PMM2: variants seen among roughly 807,000 people sequenced by gnomAD.
The protein encoded by PMM2 is phosphomannomutase 2.
In PMM2, 35 loss-of-function variants were observed where a neutral mutation model predicts 33.2. The observed-to-expected ratio is 1.06, with a 90% CI of 0.81 to 1.40. PMM2 has a LOEUF of 1.40. Among genes scored for constraint, PMM2 ranks in the 40% most tolerant of loss-of-function variants. The probability of loss-of-function intolerance (pLI) is 0.00; values close to 1 mark genes in which losing one functional copy is unlikely to be tolerated. For synonymous variants in PMM2, 153 were observed against 114.7 expected (o/e 1.33, Z -2.13); for missense variants, 386 against 306.0 (o/e 1.26, Z -1.95).
intron 7 of PMM2, among the ~76,000 whole-genome samples, chr16:8,844,651 T>A (rs896874140): frequency 1.3e-5 from 2 of 152,194 alleles, no homozygotes; most frequent in African/African-American, 4.8e-5. Flanking sequence ...GGGTGAATGA[T>A]CAGAGGCGTC....
At position 8,849,287 on chromosome 16, in the gene PMM2, C is replaced by A. The variant is rs1025857000; in HGVS notation, c.*1462C>A. The A allele has an allele frequency of 6.6e-6, 1 of 152,272 alleles. No homozygotes were observed. The highest frequency in any genetic ancestry group is 1.5e-5 in the Non-Finnish European group (1 of 68,050). The allele number at this position is 152,272 out of a possible 1,614,324, so 9.4% of individuals were successfully genotyped here. A position where few individuals can be genotyped will look rare whatever the true frequency, so the allele number is the denominator to read the frequency against. On this transcript the variant is annotated 3_prime_UTR_variant, in exon 8 of 8. Coordinates refer to ENST00000268261, the MANE Select transcript of PMM2 (RefSeq NM_000303.3). ...TGTCGAATGATACTGTAATGACCTT[C>A]CAAAGTGAAGAGTAGCACATTAAAG...
At chr16:8,842,919 T>C (rs1455121778) in intron 7 of PMM2, among the ~76,000 whole-genome samples, 2 of 151,966 alleles carry the variant, frequency 1.3e-5, no homozygotes, top group African/African-American at 4.8e-5. Context: ...GGAGTAGAAA[T>C]GTCCCATATT....
chr16:8,802,994 C>T (rs1399330474), intron 2 of PMM2, among the ~76,000 whole-genome samples: 1 of 152,178 alleles, frequency 6.6e-6, no homozygotes, highest in Non-Finnish European at 1.5e-5. Context: ...ATTATGAAGG[C>T]TGTCCTGTGC....
rs1046204842 is a variant in PMM2, at chr16:8,847,978, C to A, written c.*153C>A. ...GCATGTGCAGTCTGGACTTCCACCT[C>A]CAGTGCCAGAAACTTCCAGAAGGAA... On this transcript the variant is annotated 3_prime_UTR_variant, in exon 8 of 8. Transcript: ENST00000268261. 2 of 636,078 alleles carry A rather than the reference C, an allele frequency of 3.1e-6. No individual in the cohort carries two copies. The highest frequency in any genetic ancestry group is 5.7e-6 in the Non-Finnish European group (2 of 351,512). The allele number at this position is 636,078 out of a possible 1,614,324, so 39.4% of individuals were successfully genotyped here. A position where few individuals can be genotyped will look rare whatever the true frequency, so the allele number is the denominator to read the frequency against.
chr16:8,810,786 A>G (rs765545848), intron 4 of PMM2: 2 of 427,962 alleles, frequency 4.7e-6, no homozygotes, highest in Non-Finnish European at 8.7e-6. Flanking sequence ...CATGTTGTCC[A>G]GGCTCAAAAT....
chr16:8,804,024 T>G (rs1189848257), intron 2 of PMM2, among the ~76,000 whole-genome samples: 1 of 92,076 alleles, frequency 1.1e-5, no homozygotes, highest in Non-Finnish European at 2.0e-5. Context: ...TTTTTTGGGT[T>G]TTTTTTGTTT....
chr16:8,812,963 C>T, intron 6 of PMM2, 28 bp from the exon 7 acceptor site: 3 of 1,314,716 alleles, frequency 2.3e-6, no homozygotes, highest in Non-Finnish European at 3.3e-6. Context: ...CACCTTTTGC[C>T]TTTGTGTGCC....
chr16:8,802,214 C>G (rs1241412384), intron 2 of PMM2: 1 of 459,646 alleles, frequency 2.2e-6, no homozygotes, highest in Non-Finnish European at 4.4e-6. Flanking sequence ...CCGTTGACAG[C>G]CCTTCTAGCC....
At chr16:8,799,696 C>T (rs2060601429) in intron 1 of PMM2, among the ~76,000 whole-genome samples, 1 of 152,170 alleles carries the variant, frequency 6.6e-6, no homozygotes, top group African/African-American at 2.4e-5. Context: ...TACAGGCAGG[C>T]ACCACCACGC....
chr16:8,828,059 T>C (rs1347200715), intron 7 of PMM2, among the ~76,000 whole-genome samples: 1 of 140,136 alleles, frequency 7.1e-6, no homozygotes, highest in Non-Finnish European at 1.5e-5. Flanking sequence ...AAAATCTTTT[T>C]AAATTTCTTA....
chr16:8,799,988 A>G (rs920103099), intron 1 of PMM2, among the ~76,000 whole-genome samples: 4 of 152,258 alleles, frequency 2.6e-5, no homozygotes, highest in Non-Finnish European at 4.4e-5. Context: ...AGTTTTTTAA[A>G]GAAAAATCAT....
chr16:8,813,288 G>T lies in PMM2; in HGVS notation c.639+182G>T, dbSNP rs9924186. 0.81 allele frequency among the ~76,000 whole-genome samples: 123,336 copies of T among 152,132 alleles called. 50,669 individuals carry two copies. The highest frequency in any genetic ancestry group is 0.97 in the East Asian group (5,031 of 5,176). On this transcript the variant is annotated intron_variant, in intron 7 of 7. Transcript: ENST00000268261. ...CCTTCCCCTCTAAGCTCAGACCCCC[G>T]ACGCCTCTGTGGAGGCAAGGATCAC...
chr16:8,798,035 C>T, intron 1 of PMM2, 87 bp downstream of exon 1: 1 of 1,336,382 alleles, frequency 7.5e-7, no homozygotes, highest in Non-Finnish European at 1.0e-6. Flanking sequence ...GGGTAGGCGC[C>T]AAGGGGTGGC....
chr16:8,806,560 G>T, intron 4 of PMM2, 153 bp downstream of exon 4: 1 of 675,216 alleles, frequency 1.5e-6, no homozygotes. Context: ...GGCAATTCTG[G>T]TTCAGAAAGC....
intron 7 of PMM2, among the ~76,000 whole-genome samples, chr16:8,843,243 T>TC (rs982621046): frequency 3.9e-5 from 6 of 152,030 alleles, no homozygotes; most frequent in African/African-American, 1.4e-4. Context: ...GAGTGGGTAG[T>TC]CCCCGTTTCG....
chr16:8,848,131 C>T lies in PMM2; in HGVS notation c.*306C>T. 2 of 369,442 alleles carry T rather than the reference C, an allele frequency of 5.4e-6. No homozygotes were observed. The highest frequency in any genetic ancestry group is 1.0e-5 in the Non-Finnish European group (2 of 196,762). 22.9% of individuals were successfully genotyped at this position (369,442 alleles called of 1,614,324 possible). A position where few individuals can be genotyped will look rare whatever the true frequency, so the allele number is the denominator to read the frequency against. ...AATCATGTAGTTTTGGCGGAAATTT[C>T]CCCATCATTCTAGGATGATACAGAA... is the stretch of plus-strand genomic sequence containing the variant. On this transcript the variant is annotated 3_prime_UTR_variant, in exon 8 of 8. Transcript: ENST00000268261.
chr16:8,804,024 T>TTTTTTTTG (rs1555449068), intron 2 of PMM2, among the ~76,000 whole-genome samples: 2 of 92,076 alleles, frequency 2.2e-5, no homozygotes, highest in Non-Finnish European at 2.0e-5. Flanking sequence ...TTTTTTGGGT[T>TTTTTTTTG]TTTTTTGTTT....
At chr16:8,804,061 C>G (rs2060632986) in intron 2 of PMM2, among the ~76,000 whole-genome samples, 1 of 99,144 alleles carries the variant, frequency 1.0e-5, no homozygotes, top group African/African-American at 4.4e-5. Context: ...TGACGTTAGA[C>G]AGAGTCTTGC....
At position 8,811,327 on chromosome 16, in the gene PMM2, G is replaced by C. The variant is rs1596488959; in HGVS notation, c.447+149G>C. 1.3e-5 allele frequency: 9 copies of C among 693,312 alleles called. No individual in the cohort carries two copies. In the East Asian group the frequency reaches 2.2e-4, roughly 17 times the overall value. The allele number at this position is 693,312 out of a possible 1,614,324, so 42.9% of individuals were successfully genotyped here. ...GCCCAGGAGTTCAAGACCAGCCTAG[G>C]CAACATAGTGAGACCTCATCTCTAC... On this transcript the variant is annotated intron_variant, in intron 5 of 7. Transcript: ENST00000268261.
Sources: gnomAD v4.1 joint callset for allele counts (sites outside exome capture counted in the v4.1 genomes callset) on GRCh38, gnomAD v4.1.1 for gene constraint, MANE v1.5 for transcripts, NCBI Gene and HGNC (gene_info 2026-07-23, HGNC 2026-07-21) for gene names.